RMDN1: variants seen among roughly 807,000 people sequenced by gnomAD.
The protein encoded by RMDN1 is regulator of microtubule dynamics protein 1.
In RMDN1, 48 loss-of-function variants were observed where a neutral mutation model predicts 48.9. The observed-to-expected ratio is 0.98, with a 90% CI of 0.78 to 1.25. The LOEUF (loss-of-function observed/expected upper bound fraction) is 1.25. Ranked by LOEUF, RMDN1 falls within the 50% of genes most tolerant of loss-of-function variation. The pLI, the probability that RMDN1 is intolerant of heterozygous loss-of-function variation, is 0.00. For missense variants in RMDN1, 418 were observed against 373.4 expected (o/e 1.12, Z -0.98); for synonymous variants, 148 against 132.6 (o/e 1.12, Z -0.80).
chr8:86,503,859 G>A (rs745576392), intron 2 of RMDN1: 23 of 620,338 alleles, frequency 3.7e-5, no homozygotes, highest in Non-Finnish European at 6.4e-5. Context: ...GCAATTCAAT[G>A]CTTATCGTCA....
In RMDN1 at chr8:86,500,080, T is replaced by C. The variant is rs532207117; in HGVS notation, c.247+6915A>G. On this transcript the variant is annotated intron_variant, in intron 2 of 9. Coordinates refer to ENST00000406452, the MANE Select transcript of RMDN1 (RefSeq NM_016033.3). Reference sequence around the variant, plus strand: ...TATAAGACCTACAACTATAAAAACCTAGAAGAAAACCTAGGAAACACCATT... The same window carrying C: ...TATAAGACCTACAACTATAAAAACCCAGAAGAAAACCTAGGAAACACCATT... 2.6e-5 allele frequency among the ~76,000 whole-genome samples: 4 copies of C among 152,122 alleles called. No individual in the cohort carries two copies. The South Asian group carries it at 8.3e-4, about 32-fold the overall frequency.
At chr8:86,501,347 C>A (rs956794539) in intron 2 of RMDN1, among the ~76,000 whole-genome samples, 5 of 152,260 alleles carry the variant, frequency 3.3e-5, no homozygotes, top group Admixed American at 2.0e-4. Flanking sequence ...CCAAAATACA[C>A]TGAAACTAAA....
At chr8:86,469,406 C>T, downstream of RMDN1, among the ~76,000 whole-genome samples, 1 of 152,158 alleles carries the variant, frequency 6.6e-6, no homozygotes, top group East Asian at 1.9e-4. Flanking sequence ...CGACAGAAAG[C>T]CACAGCTTTG....
chr8:86,502,982 T>C (rs577086183), intron 2 of RMDN1, among the ~76,000 whole-genome samples: 1 of 152,130 alleles, frequency 6.6e-6, no homozygotes, highest in Non-Finnish European at 1.5e-5. Flanking sequence ...TATATATACA[T>C]GATATTAGAC....
chr8:86,489,325 A>C (rs4961195), intron 2 of RMDN1, among the ~76,000 whole-genome samples: 51,536 of 152,072 alleles, frequency 0.34, 9,426 homozygotes, highest in East Asian at 0.54. Flanking sequence ...TGACTACAAA[A>C]TACATAAACA....
At chr8:86,510,226 T>C (rs1336236886), upstream of RMDN1, among the ~76,000 whole-genome samples, 2 of 152,224 alleles carry the variant, frequency 1.3e-5, no homozygotes, top group East Asian at 3.8e-4. Context: ...ACAGATATCA[T>C]GACTCTTCAG....
rs1161952683 is a variant in RMDN1, at chr8:86,507,099, G to A, written c.143C>T (p.Pro48Leu). 12 of 1,603,608 alleles carry A rather than the reference G, an allele frequency of 7.5e-6. No homozygotes were observed. In the Middle Eastern group the frequency reaches 4.9e-4, roughly 66 times the overall value. Reference protein sequence around the residue: ...RFRGFEVMGNPGTFKRGLLLS... With the variant: ...RFRGFEVMGNLGTFKRGLLLS... ...TAAAAGGCCTCTTTTGAAAGTTCCT[G>A]GGTTTCCCATTACCTATGGAAACAA... The change falls in exon 2 of 10, where the codon CCA (proline) becomes CTA (leucine). Residue 48 changes from proline to leucine, a missense_variant. Transcript: ENST00000406452.
intron 2 of RMDN1, chr8:86,505,044 AAGG>A (rs202209149): frequency 2.5e-5 from 36 of 1,463,154 alleles, no homozygotes; most frequent in South Asian, 9.7e-5. Context: ...CCAGGCTGCT[AAGG>A]AGACCACCAC....
downstream of RMDN1, among the ~76,000 whole-genome samples, chr8:86,471,286 AAAC>A (rs1171562267): frequency 2.6e-5 from 4 of 152,082 alleles, no homozygotes; most frequent in African/African-American, 9.7e-5. Flanking sequence ...CACAAAAAAC[AAAC>A]AACTAAGCAG....
intron 2 of RMDN1, among the ~76,000 whole-genome samples, chr8:86,500,429 T>C (rs1173326128): frequency 6.6e-6 from 1 of 151,910 alleles, no homozygotes; most frequent in Non-Finnish European, 1.5e-5. Flanking sequence ...GAAAAAATGT[T>C]TCACATCACT....
intron 2 of RMDN1, among the ~76,000 whole-genome samples, chr8:86,500,605 G>A (rs1818047027): frequency 6.6e-6 from 1 of 151,508 alleles, no homozygotes; most frequent in Non-Finnish European, 1.5e-5. Context: ...ATATAAATTA[G>A]TTCAGCCACC....
intron 1 of RMDN1, 30 bp downstream of exon 1, chr8:86,508,462 G>C (rs746686537): frequency 6.5e-7 from 1 of 1,536,496 alleles, no homozygotes; most frequent in Non-Finnish European, 8.8e-7. Flanking sequence ...AGTAGGAAGT[G>C]AGGAGCGGGA....
chr8:86,508,920 G>T, upstream of RMDN1: 1 of 555,124 alleles, frequency 1.8e-6, no homozygotes. Flanking sequence ...CTCTCTAGGG[G>T]GTCTTTCATG....
At chr8:86,499,544 G>C (rs571081358) in intron 2 of RMDN1, among the ~76,000 whole-genome samples, 1 of 152,234 alleles carries the variant, frequency 6.6e-6, no homozygotes, top group East Asian at 1.9e-4. Flanking sequence ...AGAGATGACA[G>C]AAACAAATGG....
In RMDN1 at chr8:86,472,564, G is replaced by C. The variant is rs1361481143; in HGVS notation, c.*1744C>G. The C allele has an allele frequency of 1.5e-6, 1 of 689,406 alleles. No individual in the cohort carries two copies. The highest frequency in any genetic ancestry group is 2.6e-6 in the Non-Finnish European group (1 of 379,952). The allele number at this position is 689,406 out of a possible 1,614,324, so 42.7% of individuals were successfully genotyped here. ...AAACTGAAAGCCTGCCATTGTTGTT[G>C]CCGTTTAACAGCTGATACAGGTTTC... On this transcript the variant is annotated 3_prime_UTR_variant, in exon 10 of 10. Coordinates refer to ENST00000406452, the MANE Select transcript of RMDN1 (RefSeq NM_016033.3).
At chr8:86,477,173 T>C (rs1813519272) in intron 8 of RMDN1, 121 bp downstream of exon 8, 1 of 610,580 alleles carries the variant, frequency 1.6e-6, no homozygotes, top group Non-Finnish European at 2.6e-6. Flanking sequence ...TGTTTTACAG[T>C]ATCTAGCACA....
At chr8:86,512,807 C>T (rs535552680), upstream of RMDN1, among the ~76,000 whole-genome samples, 1 of 152,286 alleles carries the variant, frequency 6.6e-6, no homozygotes, top group African/African-American at 2.4e-5. Flanking sequence ...GGCACGGTGG[C>T]TCACACCTGT....
downstream of RMDN1, among the ~76,000 whole-genome samples, chr8:86,469,191 C>G (rs1022804084): frequency 4.0e-5 from 6 of 151,446 alleles, no homozygotes; most frequent in African/African-American, 1.2e-4. Flanking sequence ...TCCCGCCCCC[C>G]CCATGTACTT....
chr8:86,481,118 A>G (rs1814328862), intron 5 of RMDN1, among the ~76,000 whole-genome samples: 3 of 152,062 alleles, frequency 2.0e-5, no homozygotes, highest in South Asian at 2.1e-4. Flanking sequence ...TTTTCTATAA[A>G]CCCACACTTT....
Sources: gnomAD v4.1 joint callset for allele counts (sites outside exome capture counted in the v4.1 genomes callset) on GRCh38, gnomAD v4.1.1 for gene constraint, MANE v1.5 for transcripts, NCBI Gene and HGNC (gene_info 2026-07-23, HGNC 2026-07-21) for gene names.